MEI4: variants seen among roughly 807,000 people sequenced by gnomAD.
MEI4 encodes meiosis-specific protein MEI4.
Under a neutral mutation model 31.4 loss-of-function variants are expected in MEI4, and 27 were observed. That is an observed-to-expected ratio of 0.86 (90% CI 0.63 to 1.19). The LOEUF is 1.19. MEI4 is among the 50% of genes most tolerant of loss of function. MEI4 has a pLI of 0.00. For synonymous variants in MEI4, 122 were observed against 145.4 expected (o/e 0.84, Z 1.16); for missense variants, 329 against 398.9 (o/e 0.82, Z 1.49).
At chr6:77,796,047 C>A (rs1769066338) in intron 3 of MEI4, among the ~76,000 whole-genome samples, 1 of 152,100 alleles carries the variant, frequency 6.6e-6, no homozygotes, top group East Asian at 1.9e-4. Flanking sequence ...TAAAAAGATC[C>A]TATTCTATGA....
chr6:77,754,118 G>A (rs1767853998), intron 2 of MEI4, among the ~76,000 whole-genome samples: 1 of 152,086 alleles, frequency 6.6e-6, no homozygotes, highest in Admixed American at 6.6e-5. Flanking sequence ...GGGGGTTCTG[G>A]GGAGGGATGG....
intron 4 of MEI4, among the ~76,000 whole-genome samples, chr6:77,911,434 G>A (rs1291759273): frequency 2.0e-5 from 3 of 151,878 alleles, no homozygotes; most frequent in Non-Finnish European, 4.4e-5. Flanking sequence ...CCAATAGGTA[G>A]TTGTTCAGGT....
intron 2 of MEI4, among the ~76,000 whole-genome samples, chr6:77,736,456 G>C (rs1484458537): frequency 6.6e-6 from 1 of 152,110 alleles, no homozygotes; most frequent in Non-Finnish European, 1.5e-5. Context: ...GACCCCTTGT[G>C]CTTCTGGAGT....
At chr6:77,741,903 AATG>A (rs1237149442) in intron 2 of MEI4, among the ~76,000 whole-genome samples, 1 of 151,318 alleles carries the variant, frequency 6.6e-6, no homozygotes, top group East Asian at 2.0e-4. Flanking sequence ...GTTTACTGAG[AATG>A]ATGATCTCCA....
intron 4 of MEI4, among the ~76,000 whole-genome samples, chr6:77,920,426 C>G (rs2127742489): frequency 6.6e-6 from 1 of 151,920 alleles, no homozygotes; most frequent in East Asian, 1.9e-4. Context: ...AGATCCACCT[C>G]TAATTCTATT....
At chr6:77,867,240 A>G (rs1288734533) in intron 4 of MEI4, among the ~76,000 whole-genome samples, 2 of 152,218 alleles carry the variant, frequency 1.3e-5, no homozygotes, top group African/African-American at 2.4e-5. Flanking sequence ...TAATTAAACT[A>G]AAGAGCTTCT....
chr6:77,757,480 A>G (rs375711760), intron 2 of MEI4, among the ~76,000 whole-genome samples: 14 of 152,344 alleles, frequency 9.2e-5, no homozygotes, highest in Admixed American at 8.5e-4. Flanking sequence ...CATAGCATAC[A>G]TTGGTAGAGG....
intron 3 of MEI4, among the ~76,000 whole-genome samples, chr6:77,795,112 C>A (rs917489778): frequency 6.6e-6 from 1 of 152,020 alleles, no homozygotes; most frequent in South Asian, 2.1e-4. Context: ...AAATGACTAA[C>A]TTAAAAATGA....
chr6:77,884,591 C>T (rs1361390754), intron 4 of MEI4, among the ~76,000 whole-genome samples: 1 of 152,154 alleles, frequency 6.6e-6, no homozygotes, highest in East Asian at 1.9e-4. Context: ...GTTGTCTCAG[C>T]ACCATTTATT....
intron 2 of MEI4, among the ~76,000 whole-genome samples, chr6:77,698,804 A>C (rs1344835772): frequency 1.3e-5 from 2 of 152,084 alleles, no homozygotes; most frequent in Non-Finnish European, 2.9e-5. Context: ...CCTGAATCTG[A>C]ACGTTGGCCT....
intron 4 of MEI4, among the ~76,000 whole-genome samples, chr6:77,888,842 T>C (rs1184669323): frequency 3.9e-5 from 6 of 152,272 alleles, no homozygotes; most frequent in Middle Eastern, 6.8e-3. Context: ...AATTGAATCA[T>C]GGGGGCAGTT....
chr6:77,738,600 G>T (rs910556774), intron 2 of MEI4, among the ~76,000 whole-genome samples: 1 of 149,608 alleles, frequency 6.7e-6, no homozygotes, highest in African/African-American at 2.5e-5. Context: ...TCATTTGGGT[G>T]TATATTCAGT....
intron 3 of MEI4, among the ~76,000 whole-genome samples, chr6:77,799,516 A>T (rs372761981): frequency 6.6e-5 from 10 of 152,056 alleles, no homozygotes; most frequent in African/African-American, 9.6e-5. Context: ...CATTTGTCAA[A>T]TTTGGCTTTT....
intron 4 of MEI4, among the ~76,000 whole-genome samples, chr6:77,883,744 A>AT (rs1491236242): frequency 0.26 from 32,077 of 122,618 alleles, 6,005 homozygotes; most frequent in African/African-American, 0.42. Flanking sequence ...ATATATATAT[A>AT]ACTTTGTCTT....
At chr6:77,867,425 T>C (rs1562018674) in intron 4 of MEI4, among the ~76,000 whole-genome samples, 1 of 152,134 alleles carries the variant, frequency 6.6e-6, no homozygotes, top group Non-Finnish European at 1.5e-5. Context: ...CAGACACTTC[T>C]CAAAAGAAGA....
chr6:77,903,693 T>C (rs928025204), intron 4 of MEI4, among the ~76,000 whole-genome samples: 1 of 152,172 alleles, frequency 6.6e-6, no homozygotes, highest in African/African-American at 2.4e-5. Context: ...GCTTTTCTTT[T>C]GTGGAGGTAC....
intron 2 of MEI4, among the ~76,000 whole-genome samples, chr6:77,743,488 C>G (rs1441924742): frequency 6.6e-6 from 1 of 152,116 alleles, no homozygotes; most frequent in Non-Finnish European, 1.5e-5. Context: ...TGAGACTTTG[C>G]TGAAGTTGCT....
At chr6:77,699,256 C>A (rs887620827) in intron 2 of MEI4, among the ~76,000 whole-genome samples, 1 of 137,774 alleles carries the variant, frequency 7.3e-6, no homozygotes, top group Non-Finnish European at 1.5e-5. Context: ...GTGGCGGGAT[C>A]TCGGCTCACT....
chr6:77,777,759 A>G (rs1311245301), intron 3 of MEI4, among the ~76,000 whole-genome samples: 1 of 152,156 alleles, frequency 6.6e-6, no homozygotes, highest in Non-Finnish European at 1.5e-5. Context: ...AACATGGGGG[A>G]ACCAAAGAGC....
Sources: allele counts gnomAD v4.1 joint callset (sites outside exome capture counted in the v4.1 genomes callset), GRCh38; gene constraint gnomAD v4.1.1; transcripts MANE v1.5; gene names NCBI Gene and HGNC (gene_info 2026-07-23, HGNC 2026-07-21).